Variants in AP4E1 observed in about 807,000 individuals in gnomAD.
AP4E1 encodes the protein AP-4 complex subunit epsilon-1.
AP4E1 carries 56 observed loss-of-function variants against 128.2 expected under a neutral mutation model. The ratio of observed to expected loss-of-function variants is 0.44; its 90% confidence interval spans 0.35 to 0.55. AP4E1 has a LOEUF of 0.55. Ranked by LOEUF, AP4E1 falls within the 20% of genes least tolerant of loss-of-function variation. The pLI is 0.00. For synonymous variants in AP4E1, 484 were observed against 473.1 expected (o/e 1.02, Z -0.30); for missense variants, 1,324 against 1,307.7 (o/e 1.01, Z -0.19).
intron 14 of AP4E1, 62 bp downstream of exon 14, chr15:50,958,856 C>T: frequency 1.3e-6 from 2 of 1,492,014 alleles, no homozygotes; most frequent in South Asian, 2.3e-5. Flanking sequence ...GTAATTCTTG[C>T]ATTTGTGACA....
chr15:50,966,644 T>C (rs2064398455), intron 14 of AP4E1, among the ~76,000 whole-genome samples: 1 of 151,566 alleles, frequency 6.6e-6, no homozygotes, highest in Admixed American at 6.6e-5. Context: ...TTCAAGTGAT[T>C]CTCCTGTCTC....
intron 14 of AP4E1, among the ~76,000 whole-genome samples, chr15:50,964,376 T>A (rs918456140): frequency 1.3e-5 from 2 of 152,178 alleles, no homozygotes; most frequent in African/African-American, 4.8e-5. Flanking sequence ...ATGAATTGTT[T>A]TCTTGATTTA....
chr15:50,924,273 A>C (rs941660352), intron 4 of AP4E1, among the ~76,000 whole-genome samples: 7 of 152,160 alleles, frequency 4.6e-5, no homozygotes, highest in African/African-American at 1.7e-4. Flanking sequence ...GTTAGAACTA[A>C]AGTTCAAGTC....
At chr15:50,917,777 G>A (rs12900973) in intron 3 of AP4E1, among the ~76,000 whole-genome samples, 28,115 of 152,098 alleles carry the variant, frequency 0.18, 2,656 homozygotes, top group South Asian at 0.24. Context: ...TGCAATGACG[G>A]GAAAGGACCG....
chr15:50,920,075 TAAAAAAA>T (rs759743982), intron 3 of AP4E1, among the ~76,000 whole-genome samples: 1 of 88,180 alleles, frequency 1.1e-5, no homozygotes, highest in South Asian at 4.5e-4. Flanking sequence ...ATAATATGTC[TAAAAAAA>T]AAAAAAAAAA....
intron 14 of AP4E1, among the ~76,000 whole-genome samples, chr15:50,960,509 A>G (rs957007266): frequency 2.6e-5 from 4 of 152,122 alleles, no homozygotes; most frequent in African/African-American, 9.6e-5. Flanking sequence ...TCAAAACAGC[A>G]TATTTCTGAG....
chr15:50,980,522 T>C (rs888478925), intron 15 of AP4E1, among the ~76,000 whole-genome samples: 1 of 152,134 alleles, frequency 6.6e-6, no homozygotes, highest in African/African-American at 2.4e-5. Flanking sequence ...GAAAATGTAT[T>C]TGGGAGACCA....
At chr15:50,969,452 C>T (rs1433401505) in intron 15 of AP4E1, among the ~76,000 whole-genome samples, 3 of 152,074 alleles carry the variant, frequency 2.0e-5, no homozygotes, top group Non-Finnish European at 4.4e-5. Context: ...TTTCAGAAAA[C>T]AACCCTGGTT....
At chr15:50,975,890 C>A (rs923386677) in intron 15 of AP4E1, among the ~76,000 whole-genome samples, 2 of 151,918 alleles carry the variant, frequency 1.3e-5, no homozygotes, top group African/African-American at 4.8e-5. Context: ...GTGGGAGGAT[C>A]ACTTGAAGCC....
intron 13 of AP4E1, among the ~76,000 whole-genome samples, chr15:50,957,671 CTTTTTTT>C (rs61656848): frequency 2.3e-5 from 2 of 88,006 alleles, no homozygotes; most frequent in Admixed American, 1.2e-4. Context: ...ACAAGCGTTT[CTTTTTTT>C]TTTTTTTTTT....
intron 15 of AP4E1, among the ~76,000 whole-genome samples, chr15:50,979,726 C>T (rs1465610538): frequency 6.6e-6 from 1 of 152,060 alleles, no homozygotes; most frequent in Non-Finnish European, 1.5e-5. Context: ...GGTTTCACCA[C>T]AGTGGCCAGG....
chr15:50,939,011 T>C (rs926626041), intron 8 of AP4E1, among the ~76,000 whole-genome samples: 2 of 152,212 alleles, frequency 1.3e-5, no homozygotes. Context: ...TGAGCATACA[T>C]AATCCAACCC....
chr15:50,985,489 A>G (rs2064707743), intron 16 of AP4E1, among the ~76,000 whole-genome samples: 1 of 152,206 alleles, frequency 6.6e-6, no homozygotes, highest in Admixed American at 6.5e-5. Context: ...ATTTTTGTAT[A>G]AGGTGTAAGG....
chr15:50,910,032 G>T (rs534271449), intron 1 of AP4E1, among the ~76,000 whole-genome samples: 2 of 152,350 alleles, frequency 1.3e-5, no homozygotes, highest in East Asian at 3.9e-4. Flanking sequence ...TGTCGCCCAG[G>T]CTGGAGTGCG....
rs2064129370 is a variant in AP4E1 at position 50,950,170 on chromosome 15, G to A, written c.1548+1G>A. ...GAGATTTCTTCAAGTTATGAGTTGG[G>A]TGAGCAAAGTACCTTAAATCATAAA... On this transcript the variant is annotated splice_donor_variant, in intron 13 of 20. Transcript: ENST00000261842. LOFTEE classifies it high-confidence loss of function. 6.4e-7 allele frequency: 1 copy of A among 1,560,364 alleles called. No individual in the cohort carries two copies. Among genetic ancestry groups the A allele is most frequent in the Non-Finnish European group, 8.8e-7 (1 of 1,132,322 alleles).
chr15:50,930,763 A>C, intron 6 of AP4E1, 42 bp from the exon 7 acceptor site: 1 of 1,596,696 alleles, frequency 6.3e-7, no homozygotes, highest in South Asian at 1.1e-5. Context: ...TTTCTATTTA[A>C]TAAGACGTTA....
At position 51,005,191 on chromosome 15, in the gene AP4E1, A is replaced by G. The variant is rs1343312861; in HGVS notation, c.*2529A>G. The G allele has an allele frequency of 6.6e-6, 1 of 152,236 alleles. No individual in the cohort carries two copies. The highest frequency in any genetic ancestry group is 2.4e-5 in the African/African-American group (1 of 41,436). 9.4% of individuals were successfully genotyped at this position (152,236 alleles called of 1,614,324 possible). A position where few individuals can be genotyped will look rare whatever the true frequency, so the allele number is the denominator to read the frequency against. The stretch of plus-strand genomic sequence containing the variant: ...GTGAGCCACTGCGCCCGGCCAAATT[A>G]TTTTTGTGGGTAGATTCATTCTCTT... On this transcript the variant is annotated 3_prime_UTR_variant, in exon 21 of 21. Transcript: ENST00000261842.
At chr15:50,948,694 C>T (rs1021839085) in intron 11 of AP4E1, among the ~76,000 whole-genome samples, 2 of 152,100 alleles carry the variant, frequency 1.3e-5, no homozygotes, top group Non-Finnish European at 2.9e-5. Context: ...CTGTTTAGGC[C>T]GGGCACAGTG....
At chr15:50,967,256 C>T (rs1259629724) in intron 14 of AP4E1, among the ~76,000 whole-genome samples, 2 of 152,096 alleles carry the variant, frequency 1.3e-5, no homozygotes, top group Non-Finnish European at 2.9e-5. Context: ...TGCTTGTTAC[C>T]TTAAACATTG....
Sources: gnomAD v4.1 joint callset for allele counts (sites outside exome capture counted in the v4.1 genomes callset) on GRCh38, gnomAD v4.1.1 for gene constraint, MANE v1.5 for transcripts, NCBI Gene and HGNC (gene_info 2026-07-23, HGNC 2026-07-21) for gene names.